SLIT1: variants seen among roughly 807,000 people sequenced by gnomAD.
SLIT1 encodes the protein slit homolog 1 protein.
SLIT1 carries 66 observed loss-of-function variants against 186.1 expected under a neutral mutation model. The ratio of observed to expected loss-of-function variants is 0.35; its 90% CI spans 0.29 to 0.44. The LOEUF is 0.44. Among genes scored for constraint, SLIT1 ranks in the 20% least tolerant of loss-of-function variants. The pLI, the probability that SLIT1 is intolerant of heterozygous loss-of-function variation, is 1.00. For missense variants in SLIT1, 1,638 were observed against 2,037.4 expected (o/e 0.80, Z 3.77); for synonymous variants, 761 against 833.8 (o/e 0.91, Z 1.50).
intron 4 of SLIT1, among the ~76,000 whole-genome samples, chr10:97,082,101 G>A (rs1055095742): frequency 6.6e-6 from 1 of 152,332 alleles, no homozygotes; most frequent in Non-Finnish European, 1.5e-5. Context: ...ACTTCTATAT[G>A]GGGTGAAGCT....
chr10:97,073,113 T>C (rs1849015501), intron 4 of SLIT1, among the ~76,000 whole-genome samples: 1 of 152,226 alleles, frequency 6.6e-6, no homozygotes, highest in Admixed American at 6.5e-5. Flanking sequence ...CTCTTTTTTT[T>C]TCTTTTTGCT....
chr10:97,137,736 C>T (rs1849716396), intron 4 of SLIT1, among the ~76,000 whole-genome samples: 1 of 152,070 alleles, frequency 6.6e-6, no homozygotes, highest in Non-Finnish European at 1.5e-5. Context: ...CAGGTGTGCC[C>T]CACCATCCCC....
chr10:97,065,354 G>A (rs1349051133), intron 5 of SLIT1, among the ~76,000 whole-genome samples: 1 of 152,212 alleles, frequency 6.6e-6, no homozygotes, highest in African/African-American at 2.4e-5. Context: ...AAAGAATGTG[G>A]TGACTGATTA....
rs1283710320 is a variant in SLIT1, at chr10:97,166,557, A to AGGAAGGAAGGAAAGAGAGAGAGAG, written c.198-1668_198-1667insCTCTCTCTCTCTTTCCTTCCTTCC. Among the ~76,000 whole-genome samples, 88 of 55,138 alleles carry AGGAAGGAAGGAAAGAGAGAGAGAG rather than the reference A, an allele frequency of 1.6e-3. 1 individual carries two copies. The highest frequency in any genetic ancestry group is 6.1e-3 in the African/African-American group (85 of 13,920). The allele number at this position is 55,138 out of a possible 152,430, so 36.2% of individuals were successfully genotyped here. On this transcript the variant is annotated intron_variant, in intron 1 of 36. Coordinates refer to ENST00000266058, the MANE Select transcript of SLIT1 (RefSeq NM_003061.3). ...AAGGAAGGAAGGAAGGAAGGAAGGAAAGAGAGAGAGAGAGAAAGAAAGAAA... is the reference window on the plus strand; with the variant it reads ...AAGGAAGGAAGGAAGGAAGGAAGGAAGGAAGGAAGGAAAGAGAGAGAGAGAGAGAGAGAGAGAGAAAGAAAGAAA...
At chr10:97,096,918 A>T (rs1849297097) in intron 4 of SLIT1, among the ~76,000 whole-genome samples, 1 of 152,224 alleles carries the variant, frequency 6.6e-6, no homozygotes, top group Non-Finnish European at 1.5e-5. Context: ...CTTTATCCTC[A>T]TTTGGACAAA....
At chr10:97,065,575 T>A (rs1394332752) in intron 5 of SLIT1, 10 of 171,520 alleles carry the variant, frequency 5.8e-5, no homozygotes, top group Admixed American at 5.5e-4. Context: ...GCCTGTGAAG[T>A]AGATCTTAGT....
At chr10:97,094,958 C>T (rs868704107) in intron 4 of SLIT1, among the ~76,000 whole-genome samples, 4 of 152,142 alleles carry the variant, frequency 2.6e-5, no homozygotes, top group East Asian at 3.9e-4. Flanking sequence ...TAATTCTCTA[C>T]CCTACCCCTG....
At chr10:97,033,050 C>CTTTTT (rs71007311) in intron 23 of SLIT1, among the ~76,000 whole-genome samples, 1 of 139,786 alleles carries the variant, frequency 7.2e-6, no homozygotes, top group Non-Finnish European at 1.6e-5. Flanking sequence ...TTCTTTCTTT[C>CTTTTT]TTTTTTTTTT....
intron 2 of SLIT1, among the ~76,000 whole-genome samples, 199 bp downstream of exon 2, chr10:97,164,620 G>A (rs922281873): frequency 6.6e-6 from 1 of 152,154 alleles, no homozygotes; most frequent in African/African-American, 2.4e-5. Context: ...TGAGAGCACA[G>A]GGCGACGGAC....
intron 4 of SLIT1, among the ~76,000 whole-genome samples, chr10:97,129,391 A>C (rs936791108): frequency 1.3e-5 from 2 of 152,036 alleles, no homozygotes; most frequent in Non-Finnish European, 2.9e-5. Context: ...CTCAAAAAAA[A>C]AAAAAAAAGA....
chr10:97,028,773 G>T (rs558299225), intron 25 of SLIT1, among the ~76,000 whole-genome samples: 4 of 152,342 alleles, frequency 2.6e-5, no homozygotes, highest in African/African-American at 9.6e-5. Flanking sequence ...GGTTACCCAG[G>T]ATGTATTTAT....
rs1848513840 is a variant in SLIT1 at position 97,022,939 on chromosome 10, T to A, written c.2583-1526A>T. 6.6e-6 allele frequency among the ~76,000 whole-genome samples: 1 copy of A among 152,228 alleles called. No individual in the cohort carries two copies. Among genetic ancestry groups the A allele is most frequent in the African/African-American group, 2.4e-5 (1 of 41,458 alleles). ...GTCAGCATATAAGCATCTATCTCAT[T>A]GTGTCCAACTGTTCCGCAATATCCC... On this transcript the variant is annotated intron_variant, in intron 25 of 36. Transcript: ENST00000266058. This position sits in a 1 kb window ranked among gnomAD's most constrained non-coding sequence, Gnocchi z 4.2.
At chr10:97,025,187 A>G (rs1357298571) in intron 25 of SLIT1, among the ~76,000 whole-genome samples, 1 of 152,230 alleles carries the variant, frequency 6.6e-6, no homozygotes, top group Non-Finnish European at 1.5e-5. Context: ...AGGCAGGAGC[A>G]TCGCTTGAAC....
chr10:97,185,220 G>C (rs2134753247), intron 1 of SLIT1, among the ~76,000 whole-genome samples: 1 of 152,386 alleles, frequency 6.6e-6, no homozygotes, highest in East Asian at 1.9e-4. Context: ...CTGAGGGTGC[G>C]GAGTGCAGGG....
Position 97,096,384 on chromosome 10 carries a change from C to G in SLIT1, c.414-30298G>C, listed in dbSNP as rs370087535. 3.9e-5 allele frequency among the ~76,000 whole-genome samples: 6 copies of G among 152,256 alleles called. No homozygotes were observed. The East Asian group carries it at 5.8e-4, about 15-fold the overall frequency. On this transcript the variant is annotated intron_variant, in intron 4 of 36. Coordinates refer to ENST00000266058, the MANE Select transcript of SLIT1 (RefSeq NM_003061.3). ...TCTCGCCATCACGCCCTCGAGCCCC[C>G]CCGCCAGCGCCCTGTTCCCTCAACC...
At chr10:97,152,699 CA>C (rs1266465849) in intron 4 of SLIT1, among the ~76,000 whole-genome samples, 1 of 152,212 alleles carries the variant, frequency 6.6e-6, no homozygotes, top group Non-Finnish European at 1.5e-5. Context: ...AAACGTAACA[CA>C]TGCTTCTTAA....
chr10:97,095,550 C>T (rs150147365), intron 4 of SLIT1, among the ~76,000 whole-genome samples: 73 of 152,292 alleles, frequency 4.8e-4, no homozygotes, highest in African/African-American at 1.6e-3. Context: ...GGACTGAATC[C>T]CGTGCCAGGG....
In SLIT1 at chr10:97,001,058, G is replaced by T; in HGVS notation, c.*54C>A. The T allele has an allele frequency of 6.9e-7, 1 of 1,439,496 alleles. No homozygotes were observed. The highest frequency in any genetic ancestry group is 9.7e-7 in the Non-Finnish European group (1 of 1,031,314). The allele number at this position is 1,439,496 out of a possible 1,614,324, so 89.2% of individuals were successfully genotyped here. A position where few individuals can be genotyped will look rare whatever the true frequency, so the allele number is the denominator to read the frequency against. On this transcript the variant is annotated 3_prime_UTR_variant, in exon 37 of 37. Coordinates refer to ENST00000266058, the MANE Select transcript of SLIT1 (RefSeq NM_003061.3). ...CCAGCTGCTGGCGACTGTCTCCGCT[G>T]CTGCAGCGGCTGGGGCCCCTTGCCC...
At chr10:97,089,877 T>C (rs900364038) in intron 4 of SLIT1, among the ~76,000 whole-genome samples, 2 of 152,206 alleles carry the variant, frequency 1.3e-5, no homozygotes, top group Non-Finnish European at 2.9e-5. Context: ...GCTCTGCTTC[T>C]CACTAGCTGG....
Sources: gnomAD v4.1 joint callset for allele counts (sites outside exome capture counted in the v4.1 genomes callset) on GRCh38, gnomAD v4.1.1 for gene constraint, Gnocchi (gnomAD v3.1) non-coding constraint, MANE v1.5 for transcripts, NCBI Gene and HGNC (gene_info 2026-07-23, HGNC 2026-07-21) for gene names.